The following EEFSEC variants were observed in gnomAD, a reference collection of about 807,000 sequenced individuals.
EEFSEC encodes the protein eukaryotic elongation factor, selenocysteine-tRNA specific.
EEFSEC carries 43 observed loss-of-function variants against 42.1 expected under a neutral mutation model. The observed-to-expected ratio is 1.02, with a 90% CI of 0.80 to 1.32. EEFSEC has a LOEUF of 1.32. Ranked by LOEUF, EEFSEC falls within the 40% of genes most tolerant of loss-of-function variation. The pLI is 0.00. For missense variants in EEFSEC, 745 were observed against 803.6 expected (o/e 0.93, Z 0.88); for synonymous variants, 354 against 339.1 (o/e 1.04, Z -0.48).
chr3:128,397,654 C>T (rs1576702704), intron 6 of EEFSEC, among the ~76,000 whole-genome samples: 3 of 152,388 alleles, frequency 2.0e-5, no homozygotes, highest in South Asian at 4.1e-4. Context: ...AGAAGGGTCC[C>T]CAGAAGCACA....
chr3:128,161,031 TA>T (rs2065181060), intron 1 of EEFSEC, among the ~76,000 whole-genome samples: 2 of 152,132 alleles, frequency 1.3e-5, no homozygotes, highest in Admixed American at 1.3e-4. Flanking sequence ...ATTTTACAGA[TA>T]AAAAACCATG....
intron 5 of EEFSEC, among the ~76,000 whole-genome samples, chr3:128,346,336 A>C (rs1051377264): frequency 2.0e-5 from 3 of 152,238 alleles, no homozygotes; most frequent in African/African-American, 7.2e-5. Context: ...TTGGCTAACA[A>C]ATGAGCCACC....
chr3:128,222,958 GATGGGGACTGGTC>G (rs2065875498), intron 1 of EEFSEC, among the ~76,000 whole-genome samples: 1 of 152,228 alleles, frequency 6.6e-6, no homozygotes, highest in East Asian at 1.9e-4. Context: ...GATGACTCAA[GATGGGGACTGGTC>G]ATGCCTGAAA....
intron 4 of EEFSEC, among the ~76,000 whole-genome samples, chr3:128,338,066 G>T (rs935083366): frequency 1.3e-5 from 2 of 152,208 alleles, no homozygotes; most frequent in African/African-American, 4.8e-5. Context: ...TGCAGCAGAT[G>T]GCATCGGCAG....
At chr3:128,424,958 G>T in the EEFSEC span, among the ~76,000 whole-genome samples, 3 of 152,074 alleles carry the variant, frequency 2.0e-5, no homozygotes. Context: ...TGGCGGGGTG[G>T]TCAGGGCCTC....
At chr3:128,391,408 G>T (rs909926758) in intron 6 of EEFSEC, among the ~76,000 whole-genome samples, 2 of 152,240 alleles carry the variant, frequency 1.3e-5, no homozygotes, top group African/African-American at 4.8e-5. Flanking sequence ...GACCACCAAA[G>T]GTGTTTCCAA....
the EEFSEC span, among the ~76,000 whole-genome samples, chr3:128,415,735 G>C: frequency 6.6e-6 from 1 of 152,238 alleles, no homozygotes; most frequent in African/African-American, 2.4e-5. Flanking sequence ...AAGAGAAGCA[G>C]GTTCTGGGTC....
At chr3:128,414,300 T>C in the EEFSEC span, among the ~76,000 whole-genome samples, 1 of 152,162 alleles carries the variant, frequency 6.6e-6, no homozygotes, top group African/African-American at 2.4e-5. Context: ...CTCCCAAGCT[T>C]CCACCCTGGG....
chr3:128,345,266 A>C (rs534181604), intron 5 of EEFSEC, among the ~76,000 whole-genome samples: 11 of 152,274 alleles, frequency 7.2e-5, no homozygotes, highest in African/African-American at 2.4e-4. Flanking sequence ...AAGCTCTTAG[A>C]GTCAAAATAA....
chr3:128,252,751 T>G (rs1439333241), intron 2 of EEFSEC, among the ~76,000 whole-genome samples: 2 of 152,198 alleles, frequency 1.3e-5, no homozygotes, highest in Admixed American at 6.5e-5. Flanking sequence ...GAAACTTTTT[T>G]TGTGTGCTAA....
intron 1 of EEFSEC, among the ~76,000 whole-genome samples, chr3:128,224,496 TG>T (rs1358740825): frequency 1.3e-5 from 2 of 152,182 alleles, no homozygotes; most frequent in African/African-American, 4.8e-5. Context: ...GGAGGTTTTA[TG>T]TGAAAAGTGA....
intron 6 of EEFSEC, among the ~76,000 whole-genome samples, chr3:128,371,663 T>G (rs2107605339): frequency 6.6e-6 from 1 of 152,268 alleles, no homozygotes; most frequent in South Asian, 2.1e-4. Flanking sequence ...AGGGGCAGGA[T>G]GCACCCCAGA....
intron 1 of EEFSEC, among the ~76,000 whole-genome samples, chr3:128,175,193 T>G (rs1339701180): frequency 6.8e-6 from 1 of 148,084 alleles, no homozygotes; most frequent in African/African-American, 2.5e-5. Flanking sequence ...AAACCCCCCC[T>G]TTTCTCCAAG....
intron 1 of EEFSEC, among the ~76,000 whole-genome samples, chr3:128,246,537 A>G (rs748911664): frequency 4.6e-5 from 7 of 152,194 alleles, no homozygotes; most frequent in Non-Finnish European, 8.8e-5. Context: ...TGCAATAGAA[A>G]GGCACGGGTT....
At position 128,264,751 on chromosome 3, in the gene EEFSEC, C is replaced by T. The variant is rs151307884; in HGVS notation, c.756C>T (p.Leu252=). ...TGTILSGSIS[L]GDSVEIPALK... is the part of the protein sequence containing the mutation. Reference sequence around the variant, plus strand: ...CCATCCTTTCAGGCTCCATCAGCCTCGGTGACAGTGTGGAGATCCCTGCCC... The same window carrying T: ...CCATCCTTTCAGGCTCCATCAGCCTTGGTGACAGTGTGGAGATCCCTGCCC... The change falls in exon 4 of 7, where the codon CTC becomes CTT. Residue 252 remains leucine, a synonymous_variant. Coordinates refer to ENST00000254730, the MANE Select transcript of EEFSEC (RefSeq NM_021937.5). 1.2e-5 allele frequency: 19 copies of T among 1,614,114 alleles called. No individual in the cohort carries two copies. The highest frequency in any genetic ancestry group is 5.0e-5 in the Admixed American group (3 of 60,018).
chr3:128,341,541 C>A lies in EEFSEC; in HGVS notation c.1095C>A (p.Asp365Glu). The change falls in exon 5 of 7, where the codon GAC becomes GAA. Residue 365 changes from aspartate (D) to glutamate (E), a missense_variant. Physicochemically the swap from Asp to Glu is conservative, Grantham distance 45 (BLOSUM62 2). Coordinates refer to ENST00000254730, the MANE Select transcript of EEFSEC (RefSeq NM_021937.5). Reference protein sequence around the residue: ...PDNFDQEPILDSFNFSQEYLF... With the variant: ...PDNFDQEPILESFNFSQEYLF... ...ACTTTGACCAGGAGCCTATACTGGA[C>A]TCTTTCAACTTCTCTCAAGAATACC... The A allele has an allele frequency of 6.2e-7, 1 of 1,614,112 alleles. No individual in the cohort carries two copies. Among genetic ancestry groups the A allele is most frequent in the South Asian group, 1.1e-5 (1 of 91,088 alleles).
intron 4 of EEFSEC, among the ~76,000 whole-genome samples, chr3:128,301,585 C>T (rs937925058): frequency 1.3e-5 from 2 of 152,168 alleles, no homozygotes; most frequent in East Asian, 3.8e-4. Flanking sequence ...GCCTGCTAAA[C>T]GTACTCTCAG....
chr3:128,293,317 A>G (rs2066663704), intron 4 of EEFSEC, among the ~76,000 whole-genome samples: 2 of 152,356 alleles, frequency 1.3e-5, no homozygotes, highest in South Asian at 2.1e-4. Flanking sequence ...AGTTCAGAGT[A>G]GAAAAGCTTC....
intron 5 of EEFSEC, among the ~76,000 whole-genome samples, chr3:128,356,022 C>T (rs541906139): frequency 2.0e-5 from 3 of 152,334 alleles, no homozygotes; most frequent in South Asian, 2.1e-4. Flanking sequence ...AGATGGGGAG[C>T]TCATAGGATC....
Sources: allele counts gnomAD v4.1 joint callset (sites outside exome capture counted in the v4.1 genomes callset), GRCh38; gene constraint gnomAD v4.1.1; transcripts MANE v1.5; gene names NCBI Gene and HGNC (gene_info 2026-07-23, HGNC 2026-07-21).